SDK2: variants seen among roughly 807,000 people sequenced by gnomAD.
SDK2 encodes protein sidekick-2.
A neutral mutation model predicts 253.9 loss-of-function variants in SDK2; 105 were observed. That is an observed-to-expected ratio of 0.41 (90% CI 0.35 to 0.49). The LOEUF (loss-of-function observed/expected upper bound fraction) is 0.49. Ranked by LOEUF, SDK2 falls within the 20% of genes least tolerant of loss-of-function variation. SDK2 has a pLI of 0.06. For missense variants in SDK2, 2,608 were observed against 3,003.0 expected (o/e 0.87, Z 3.07); for synonymous variants, 1,249 against 1,234.9 (o/e 1.01, Z -0.24).
rs2062987811 is a variant in SDK2, at chr17:73,398,158, C to G, written c.3231G>C (p.Val1077=). The G allele has an allele frequency of 6.2e-7, 1 of 1,613,394 alleles. No individual in the cohort carries two copies. Among genetic ancestry groups the G allele is most frequent in the Admixed American group, 1.7e-5 (1 of 59,964 alleles). Reference sequence around the variant, plus strand: ...AAGGCTGACTGGGGGGGCTGGTGCCCACGATGTTCACCTGGCGCATGCGGA... The same window carrying G: ...AAGGCTGACTGGGGGGGCTGGTGCCGACGATGTTCACCTGGCGCATGCGGA... The part of the protein sequence containing the change: ...YSFRMRQVNI[V]GTSPPSQPSR... Residue 1077 remains valine (V), a synonymous_variant, in exon 24 of 45, where the codon GTG becomes GTC. Transcript: ENST00000392650.
chr17:73,441,289 C>T (rs757080731), intron 5 of SDK2, among the ~76,000 whole-genome samples: 2 of 152,026 alleles, frequency 1.3e-5, no homozygotes, highest in Non-Finnish European at 2.9e-5. Flanking sequence ...GCATTGTCCA[C>T]GTCCTCCACC....
At chr17:73,589,922 G>A (rs890097848) in intron 1 of SDK2, among the ~76,000 whole-genome samples, 13 of 152,224 alleles carry the variant, frequency 8.5e-5, no homozygotes, top group South Asian at 2.1e-4. Context: ...AAAGGGGAGC[G>A]CCTTAAAGAG....
At chr17:73,580,017 A>T (rs1443277096) in intron 1 of SDK2, among the ~76,000 whole-genome samples, 1 of 151,276 alleles carries the variant, frequency 6.6e-6, no homozygotes, top group Non-Finnish European at 1.5e-5. Context: ...AGAGGTTAGG[A>T]TGCAGACACA....
At position 73,534,518 on chromosome 17, in the gene SDK2, A is replaced by C. The variant is rs923661458; in HGVS notation, c.65-26921T>G. Among the ~76,000 whole-genome samples, 1 of 152,076 alleles carries C rather than the reference A, an allele frequency of 6.6e-6. No individual in the cohort carries two copies. The highest frequency in any genetic ancestry group is 1.5e-5 in the Non-Finnish European group (1 of 68,008). On this transcript the variant is annotated intron_variant, in intron 1 of 44. Transcript: ENST00000392650. The surrounding 1 kb of genome is among the most constrained non-coding windows in gnomAD (Gnocchi z 4.9). The stretch of plus-strand genomic sequence containing the variant: ...CTGGGAGAAAAGACAGACAGGAGGG[A>C]GGAGGAAGGAGAAGTAAAGTCACAA...
chr17:73,443,987 A>G lies in SDK2; in HGVS notation c.614-3064T>C, dbSNP rs992898274. Among the ~76,000 whole-genome samples the G allele has an allele frequency of 6.6e-6, 1 of 152,126 alleles. No homozygotes were observed. Among genetic ancestry groups the G allele is most frequent in the Admixed American group, 6.5e-5 (1 of 15,270 alleles). On this transcript the variant is annotated intron_variant, in intron 5 of 44. Coordinates refer to ENST00000392650, the MANE Select transcript of SDK2 (RefSeq NM_001144952.2). The surrounding 1 kb of genome is among the most constrained non-coding windows in gnomAD (Gnocchi z 4.6). ...TGATGTCCCAGAGGAAGTCGAACCA[A>G]TGCTCGTGGGGTTAATGAATGAAAG...
Position 73,355,175 on chromosome 17 carries a change from T to TATATATATATATATATATATATATA in SDK2, c.5594-2539_5594-2538insTATATATATATATATATATATATAT, listed in dbSNP as rs1555750470. On this transcript the variant is annotated intron_variant, in intron 40 of 44. Transcript: ENST00000392650. Reference sequence around the variant, plus strand: ...CTACACCTCCATATATATATATATATTTTTTTTTTTTTTTTTTTTTAGACG... The same window carrying TATATATATATATATATATATATATA: ...CTACACCTCCATATATATATATATATATATATATATATATATATATATATATTTTTTTTTTTTTTTTTTTTAGACG... Among the ~76,000 whole-genome samples the TATATATATATATATATATATATATA allele has an allele frequency of 2.3e-3, 36 of 15,592 alleles. 1 individual carries two copies. Among genetic ancestry groups the TATATATATATATATATATATATATA allele is most frequent in the East Asian group, 4.4e-3 (3 of 686 alleles). 10.2% of individuals were successfully genotyped at this position (15,592 alleles called of 152,430 possible).
intron 1 of SDK2, among the ~76,000 whole-genome samples, chr17:73,640,049 A>C (rs770724101): frequency 6.6e-6 from 1 of 152,178 alleles, no homozygotes; most frequent in Non-Finnish European, 1.5e-5. Context: ...TCAAATGTGG[A>C]CCAATATGCA....
chr17:73,564,408 T>A (rs2045281821), intron 1 of SDK2, among the ~76,000 whole-genome samples: 1 of 152,208 alleles, frequency 6.6e-6, no homozygotes, highest in African/African-American at 2.4e-5. Flanking sequence ...TATTCTCTCC[T>A]GCATCTGAGC....
intron 9 of SDK2, among the ~76,000 whole-genome samples, chr17:73,434,093 C>T (rs2063349019): frequency 1.3e-5 from 2 of 152,208 alleles, no homozygotes; most frequent in Admixed American, 1.3e-4. Flanking sequence ...GACACCAGTC[C>T]CCACACTGCT....
chr17:73,472,010 T>C (rs1271052471), intron 3 of SDK2, 102 bp downstream of exon 3: 9 of 839,186 alleles, frequency 1.1e-5, no homozygotes, highest in Non-Finnish European at 1.7e-5. Flanking sequence ...CAGTGGGTGT[T>C]GATGGCCATG....
At chr17:73,410,925 G>T (rs1246910511) in intron 18 of SDK2, among the ~76,000 whole-genome samples, 1 of 152,174 alleles carries the variant, frequency 6.6e-6, no homozygotes, top group East Asian at 1.9e-4. Context: ...GGCCCTCGGG[G>T]GAGCTGTTTG....
At chr17:73,489,051 G>A (rs2063787645) in intron 2 of SDK2, among the ~76,000 whole-genome samples, 1 of 152,190 alleles carries the variant, frequency 6.6e-6, no homozygotes, top group African/African-American at 2.4e-5. Flanking sequence ...GCTACACCAT[G>A]CCAGACACTG....
At chr17:73,585,088 C>T (rs1026639110) in intron 1 of SDK2, among the ~76,000 whole-genome samples, 1 of 152,188 alleles carries the variant, frequency 6.6e-6, no homozygotes, top group African/African-American at 2.4e-5. Context: ...CACAACAGTG[C>T]CCAGCCTCAC....
At position 73,392,377 on chromosome 17, in the gene SDK2, C is replaced by T. The variant is rs552393983; in HGVS notation, c.3899-839G>A. ...CTCCGCCTCCCGGGTTCAAGCGATT[C>T]TCCTGCCTCAGCCTCCCAGTAGCTG... On this transcript the variant is annotated intron_variant, in intron 27 of 44. Coordinates refer to ENST00000392650, the MANE Select transcript of SDK2 (RefSeq NM_001144952.2). 2.8e-3 allele frequency among the ~76,000 whole-genome samples: 422 copies of T among 152,138 alleles called. 2 individuals are homozygous for T. Among genetic ancestry groups the T allele is most frequent in the Middle Eastern group, 0.014 (4 of 294 alleles).
chr17:73,483,681 A>G (rs1451347764), intron 2 of SDK2, among the ~76,000 whole-genome samples: 11,921 of 55,006 alleles, frequency 0.22, 2,094 homozygotes, highest in East Asian at 0.38. Flanking sequence ...ATATATATAT[A>G]TTTATATATA....
In SDK2 at chr17:73,338,287, GC is replaced by G; in HGVS notation, c.*299del. ...GCTCCCTCTCTCTCTCCAGATGCCCGCCCCACTCCGTGTCCATAGCAGTGAC... is the reference window on the plus strand; with the variant it reads ...GCTCCCTCTCTCTCTCCAGATGCCCGCCCACTCCGTGTCCATAGCAGTGAC... On this transcript the variant is annotated 3_prime_UTR_variant, in exon 45 of 45. Transcript: ENST00000392650. The surrounding 1 kb of genome is among the most constrained non-coding windows in gnomAD (Gnocchi z 5.0). The G allele has an allele frequency of 1.8e-6, 1 of 543,934 alleles. No homozygotes were observed. The highest frequency in any genetic ancestry group is 3.5e-6 in the Non-Finnish European group (1 of 285,470). 33.7% of individuals were successfully genotyped at this position (543,934 alleles called of 1,614,324 possible). A position where few individuals can be genotyped will look rare whatever the true frequency, so the allele number is the denominator to read the frequency against.
chr17:73,555,065 G>A (rs1376142373), intron 1 of SDK2, among the ~76,000 whole-genome samples: 5 of 152,300 alleles, frequency 3.3e-5, no homozygotes, highest in South Asian at 2.1e-4. Context: ...CTCTGACAGC[G>A]CCAATCCCCA....
At chr17:73,486,329 C>T (rs1364063869) in intron 2 of SDK2, among the ~76,000 whole-genome samples, 3 of 152,156 alleles carry the variant, frequency 2.0e-5, no homozygotes, top group Non-Finnish European at 2.9e-5. Flanking sequence ...GAAGTAGAGG[C>T]TGAGAGCAGT....
At chr17:73,508,978 G>T (rs1052530105) in intron 1 of SDK2, among the ~76,000 whole-genome samples, 8 of 152,248 alleles carry the variant, frequency 5.3e-5, no homozygotes, top group African/African-American at 1.9e-4. Flanking sequence ...GCAGCCGGCG[G>T]GGAGGAGTCC....
Sources: allele counts gnomAD v4.1 joint callset (sites outside exome capture counted in the v4.1 genomes callset), GRCh38; gene constraint gnomAD v4.1.1; non-coding constraint Gnocchi (gnomAD v3.1); transcripts MANE v1.5; gene names NCBI Gene and HGNC (gene_info 2026-07-23, HGNC 2026-07-21).